ANAPC5: variants seen among roughly 807,000 people sequenced by gnomAD.
The protein encoded by ANAPC5 is anaphase-promoting complex subunit 5.
ANAPC5 carries 60 observed loss-of-function variants against 91.3 expected under a neutral mutation model. The ratio of observed to expected loss-of-function variants is 0.66; its 90% confidence interval spans 0.53 to 0.81. The LOEUF (loss-of-function observed/expected upper bound fraction) is 0.81. ANAPC5 is among the 40% of genes least tolerant of loss of function. ANAPC5 has a pLI of 0.00. For missense variants in ANAPC5, 690 were observed against 931.5 expected (o/e 0.74, Z 3.37); for synonymous variants, 340 against 364.1 (o/e 0.93, Z 0.75).
In ANAPC5 at chr12:121,319,742, A is replaced by G; in HGVS notation, c.1592T>C (p.Leu531Pro). ...NDGKYHLADS[L>P]VTGITALNSI... ...ATTGAGAGCTGTGATTCCTGTAACAAGTGAATCAGCCAAATGATATTTGCC... is the reference window on the plus strand; with the variant it reads ...ATTGAGAGCTGTGATTCCTGTAACAGGTGAATCAGCCAAATGATATTTGCC... The change falls in exon 13 of 17, where the codon CTT becomes CCT. Residue 531 changes from leucine (L) to proline (P), a missense_variant. Physicochemically the swap from Leu to Pro is moderately conservative, Grantham distance 98. Coordinates refer to ENST00000261819, the MANE Select transcript of ANAPC5 (RefSeq NM_016237.5). 1 of 1,612,920 alleles carries G rather than the reference A, an allele frequency of 6.2e-7. No individual in the cohort carries two copies. The highest frequency in any genetic ancestry group is 8.5e-7 in the Non-Finnish European group (1 of 1,179,582).
chr12:121,332,830 A>T (rs1018428132), intron 7 of ANAPC5: 1 of 152,168 alleles, frequency 6.6e-6, no homozygotes, highest in African/African-American at 2.4e-5. Context: ...TTAGCTGTCT[A>T]CCCATTGATA....
chr12:121,340,316 CA>C (rs782297405), intron 5 of ANAPC5, among the ~76,000 whole-genome samples: 106 of 86,348 alleles, frequency 1.2e-3, no homozygotes, highest in Middle Eastern at 6.3e-3. Flanking sequence ...AACTCCATCT[CA>C]AAAAAAAAAA....
intron 7 of ANAPC5, chr12:121,332,974 C>T (rs1356051379): frequency 1.3e-5 from 2 of 151,994 alleles, no homozygotes; most frequent in African/African-American, 4.8e-5. Context: ...ATAGCAAAAC[C>T]TTGTCTCTAT....
intron 6 of ANAPC5, among the ~76,000 whole-genome samples, chr12:121,336,681 C>T (rs1432053112): frequency 3.9e-5 from 6 of 151,932 alleles, no homozygotes; most frequent in African/African-American, 1.2e-4. Context: ...ACTCAGTCTC[C>T]AAAACAAACA....
At chr12:121,343,154 G>A (rs1445953632) in intron 4 of ANAPC5, among the ~76,000 whole-genome samples, 6 of 152,114 alleles carry the variant, frequency 3.9e-5, no homozygotes, top group African/African-American at 1.4e-4. Flanking sequence ...AAAAGATGGA[G>A]TTAGACCTAA....
At chr12:121,315,461 A>G (rs976997533) in intron 15 of ANAPC5, among the ~76,000 whole-genome samples, 4 of 151,350 alleles carry the variant, frequency 2.6e-5, no homozygotes, top group Non-Finnish European at 5.9e-5. Flanking sequence ...ATATAATTGC[A>G]AGGGATGCTG....
chr12:121,337,257 T>C (rs1903274345), intron 6 of ANAPC5, 34 bp downstream of exon 6: 1 of 1,568,756 alleles, frequency 6.4e-7, no homozygotes, highest in East Asian at 2.2e-5. Flanking sequence ...GTCATTCCTT[T>C]CCAACACAGC....
At chr12:121,330,788 T>C in intron 8 of ANAPC5, 116 bp from the exon 9 acceptor site, 1 of 749,048 alleles carries the variant, frequency 1.3e-6, no homozygotes, top group Non-Finnish European at 2.2e-6. Flanking sequence ...TCCTCTCAAA[T>C]ACTCTTTCAA....
At chr12:121,341,615 C>T (rs1185429094) in intron 5 of ANAPC5, among the ~76,000 whole-genome samples, 1 of 151,986 alleles carries the variant, frequency 6.6e-6, no homozygotes, top group African/African-American at 2.4e-5. Flanking sequence ...ATAAATAGAA[C>T]AAAAATATTA....
chr12:121,342,340 A>T lies in ANAPC5; in HGVS notation c.591-271T>A, dbSNP rs1292575447. Among the ~76,000 whole-genome samples the T allele has an allele frequency of 6.6e-6, 1 of 152,172 alleles. No individual in the cohort carries two copies. The highest frequency in any genetic ancestry group is 2.4e-5 in the African/African-American group (1 of 41,450). On this transcript the variant is annotated intron_variant, in intron 4 of 16. Transcript: ENST00000261819. The surrounding 1 kb of genome is among the most constrained non-coding windows in gnomAD (Gnocchi z 4.1). ...AGCCTTTCCAACCAATGATGCTGGGAAAACTGCACATCCACATGCAAAAGC... is the reference window on the plus strand; with the variant it reads ...AGCCTTTCCAACCAATGATGCTGGGTAAACTGCACATCCACATGCAAAAGC...
intron 5 of ANAPC5, among the ~76,000 whole-genome samples, chr12:121,340,012 T>C (rs1199926552): frequency 6.7e-6 from 1 of 150,068 alleles, no homozygotes; most frequent in Non-Finnish European, 1.5e-5. Flanking sequence ...AAGTATTCCA[T>C]AGCTTTTATG....
intron 9 of ANAPC5, 195 bp from the exon 10 acceptor site, chr12:121,328,692 A>C (rs1902913320): frequency 1.9e-6 from 1 of 526,496 alleles, no homozygotes; most frequent in Non-Finnish European, 3.4e-6. Flanking sequence ...TCTGGGAGAG[A>C]GGCAGAGGGT....
intron 12 of ANAPC5, 145 bp downstream of exon 12, chr12:121,320,237 AAAT>A (rs1286606865): frequency 7.4e-6 from 5 of 673,010 alleles, no homozygotes; most frequent in Non-Finnish European, 9.7e-6. Flanking sequence ...AACTTTATAT[AAAT>A]AATATCATAC....
In ANAPC5 at chr12:121,320,414, GTTCC is replaced by G. The variant is rs758951660; in HGVS notation, c.1482_1485del (p.Lys494AsnfsTer26). 20 of 1,613,510 alleles carry G rather than the reference GTTCC, an allele frequency of 1.2e-5. No homozygotes were observed. Among genetic ancestry groups the G allele is most frequent in the Non-Finnish European group, 3.4e-6 (4 of 1,179,666 alleles). Reference sequence around the variant, plus strand: ...GCGTGCTGACTATTAGGCGGAAATCGTTCCTTCAAGTGCTTTAACACTTCAGAAG... The same window carrying G: ...GCGTGCTGACTATTAGGCGGAAATCGTTCAAGTGCTTTAACACTTCAGAAG... On this transcript the variant is annotated frameshift_variant, in exon 12 of 17. Transcript: ENST00000261819. LOFTEE classifies it high-confidence loss of function.
chr12:121,352,715 T>TGG (rs1555275616), upstream of ANAPC5, among the ~76,000 whole-genome samples: 25 of 30,572 alleles, frequency 8.2e-4, 1 homozygote, highest in Non-Finnish European at 2.3e-3. Flanking sequence ...TTGGTTGTTG[T>TGG]TGTTGGTGGT....
chr12:121,330,296 G>C (rs1555272747), intron 9 of ANAPC5, among the ~76,000 whole-genome samples: 1 of 152,288 alleles, frequency 6.6e-6, no homozygotes, highest in South Asian at 2.1e-4. Flanking sequence ...TTTTCTAAGT[G>C]ACTATGTGCT....
chr12:121,346,931 CCA>C lies in ANAPC5; in HGVS notation c.360_361del (p.Gly121AsnfsTer2), dbSNP rs781961149. 6.2e-7 allele frequency: 1 copy of C among 1,611,734 alleles called. No homozygotes were observed. The highest frequency in any genetic ancestry group is 1.1e-5 in the South Asian group (1 of 90,610). ...TGTTTTGTGAACCTCTGGTTCAGTT[CCA>C]GAGAAAGAATCTGAAAGGTCATCAA... On this transcript the variant is annotated frameshift_variant, in exon 3 of 17. Coordinates refer to ENST00000261819, the MANE Select transcript of ANAPC5 (RefSeq NM_016237.5). LOFTEE classifies it high-confidence loss of function.
At chr12:121,308,796 C>A in intron 16 of ANAPC5, 105 bp from the exon 17 acceptor site, 1 of 923,774 alleles carries the variant, frequency 1.1e-6, no homozygotes. Context: ...CCAGAAGATT[C>A]TTTTATATTC....
rs1903686855 is a variant in ANAPC5 at position 121,346,880 on chromosome 12, T to C, written c.397+16A>G. On this transcript the variant is annotated intron_variant, in intron 3 of 16. Coordinates refer to ENST00000261819, the MANE Select transcript of ANAPC5 (RefSeq NM_016237.5). ...CAATGAAAATACTCTCTGCTCTTCT[T>C]AGAAGAGTTTCATACCTACTACACT... is the stretch of plus-strand genomic sequence containing the variant. 1 of 1,508,016 alleles carries C rather than the reference T, an allele frequency of 6.6e-7. No homozygotes were observed. Among genetic ancestry groups the C allele is most frequent in the African/African-American group, 1.4e-5 (1 of 71,298 alleles). The allele number at this position is 1,508,016 out of a possible 1,614,324, so 93.4% of individuals were successfully genotyped here. A position where few individuals can be genotyped will look rare whatever the true frequency, so the allele number is the denominator to read the frequency against.
Sources: allele counts gnomAD v4.1 joint callset (sites outside exome capture counted in the v4.1 genomes callset), GRCh38; gene constraint gnomAD v4.1.1; non-coding constraint Gnocchi (gnomAD v3.1); transcripts MANE v1.5; gene names NCBI Gene and HGNC (gene_info 2026-07-23, HGNC 2026-07-21).